Variants in GPR158 observed in about 807,000 individuals in gnomAD.
GPR158 encodes G protein-coupled receptor 158, also known as metabotropic glycine receptor.
A neutral mutation model predicts 78.2 loss-of-function variants in GPR158; 30 were observed. The observed-to-expected ratio is 0.38, with a 90% confidence interval of 0.29 to 0.52. The LOEUF is 0.52. Ranked by LOEUF, GPR158 falls within the 20% of genes least tolerant of loss-of-function variation. The pLI is 0.83. For synonymous variants in GPR158, 581 were observed against 591.1 expected (o/e 0.98, Z 0.25); for missense variants, 1,463 against 1,523.5 (o/e 0.96, Z 0.66).
chr10:25,234,487 C>T (rs752765032), intron 2 of GPR158, among the ~76,000 whole-genome samples: 5 of 152,164 alleles, frequency 3.3e-5, no homozygotes, highest in Non-Finnish European at 7.3e-5. Context: ...GTGAAAACCA[C>T]ACTTTTAGGA....
chr10:25,585,728 C>G (rs1404291808), intron 7 of GPR158, among the ~76,000 whole-genome samples: 1 of 152,176 alleles, frequency 6.6e-6, no homozygotes, highest in African/African-American at 2.4e-5. Flanking sequence ...CCTGTAATCC[C>G]AGCACTTTGG....
At chr10:25,492,149 G>T (rs1835819492) in intron 5 of GPR158, among the ~76,000 whole-genome samples, 1 of 152,068 alleles carries the variant, frequency 6.6e-6, no homozygotes, top group Non-Finnish European at 1.5e-5. Context: ...GCAAGAAGAT[G>T]CCAGATTCTT....
At chr10:25,538,105 A>C (rs778835476) in intron 5 of GPR158, among the ~76,000 whole-genome samples, 15 of 152,178 alleles carry the variant, frequency 9.9e-5, no homozygotes, top group Non-Finnish European at 1.9e-4. Flanking sequence ...AGTACTCAAC[A>C]TTCTGCTCAC....
chr10:25,399,969 A>G (rs1048460024), intron 3 of GPR158, among the ~76,000 whole-genome samples: 10 of 152,200 alleles, frequency 6.6e-5, no homozygotes, highest in Non-Finnish European at 1.2e-4. Flanking sequence ...CATATGAGCT[A>G]ACATGGAAAA....
intron 2 of GPR158, among the ~76,000 whole-genome samples, chr10:25,377,693 A>G: frequency 6.6e-6 from 1 of 152,068 alleles, no homozygotes; most frequent in East Asian, 1.9e-4. Context: ...ATTTATGTTT[A>G]GCATGTATTA....
At chr10:25,223,336 G>C (rs1194329108) in intron 2 of GPR158, among the ~76,000 whole-genome samples, 1 of 152,106 alleles carries the variant, frequency 6.6e-6, no homozygotes, top group Non-Finnish European at 1.5e-5. Flanking sequence ...ACTGGAGTTG[G>C]GAAGAAAGAA....
At chr10:25,438,580 C>T (rs951028741) in intron 4 of GPR158, among the ~76,000 whole-genome samples, 11 of 152,180 alleles carry the variant, frequency 7.2e-5, no homozygotes, top group African/African-American at 2.7e-4. Flanking sequence ...CAGTAATTAG[C>T]ATCTTCAGTT....
At chr10:25,244,200 C>T (rs1853660016) in intron 2 of GPR158, 1 of 152,000 alleles carries the variant, frequency 6.6e-6, no homozygotes, top group Non-Finnish European at 1.5e-5. Flanking sequence ...AGTAAATTAC[C>T]CCACTTTGCT....
chr10:25,207,004 T>C (rs1433340044), intron 1 of GPR158, among the ~76,000 whole-genome samples: 1 of 151,616 alleles, frequency 6.6e-6, no homozygotes. Context: ...ACGGGGGAAA[T>C]GCAAAGAGCC....
intron 2 of GPR158, among the ~76,000 whole-genome samples, chr10:25,264,358 G>T (rs562430709): frequency 3.0e-4 from 46 of 152,322 alleles, no homozygotes; most frequent in Non-Finnish European, 5.1e-4. Context: ...TTTCCAAGCT[G>T]CAGGGATGCT....
chr10:25,457,061 T>C (rs145778068), intron 4 of GPR158, among the ~76,000 whole-genome samples: 9,746 of 151,264 alleles, frequency 0.064, 945 homozygotes, highest in African/African-American at 0.21. Flanking sequence ...CAACCTCAGC[T>C]TCCCGGGTTC....
chr10:25,447,970 C>G (rs553656767), intron 4 of GPR158, among the ~76,000 whole-genome samples: 35 of 152,340 alleles, frequency 2.3e-4, no homozygotes, highest in Non-Finnish European at 4.0e-4. Context: ...CTCTCCACCC[C>G]TAACCAGAGA....
intron 1 of GPR158, among the ~76,000 whole-genome samples, chr10:25,200,869 T>G (rs112587975): frequency 4.1e-3 from 233 of 57,120 alleles, no homozygotes; most frequent in South Asian, 0.012. Context: ...TTTTGTTTTG[T>G]TTTTTTTTTT....
chr10:25,178,619 G>T (rs754135772), intron 1 of GPR158, among the ~76,000 whole-genome samples: 3 of 152,194 alleles, frequency 2.0e-5, no homozygotes, highest in Non-Finnish European at 4.4e-5. Context: ...CTTCAGCCAA[G>T]GCACACAGCC....
At chr10:25,494,246 A>T (rs1336722672) in intron 5 of GPR158, among the ~76,000 whole-genome samples, 1 of 152,186 alleles carries the variant, frequency 6.6e-6, no homozygotes, top group Non-Finnish European at 1.5e-5. Flanking sequence ...ATTGTTTTGG[A>T]TAGCATAAAT....
intron 2 of GPR158, among the ~76,000 whole-genome samples, chr10:25,312,676 G>C (rs74123805): frequency 0.072 from 10,891 of 152,156 alleles, 698 homozygotes; most frequent in African/African-American, 0.16. Context: ...TGCAGAGTAA[G>C]TGCTTTGCGC....
intron 5 of GPR158, among the ~76,000 whole-genome samples, chr10:25,497,648 A>G (rs1183837920): frequency 6.6e-6 from 1 of 152,146 alleles, no homozygotes; most frequent in African/African-American, 2.4e-5. Context: ...TTATCCATTC[A>G]TGAGCTATTA....
chr10:25,526,101 T>C (rs1328432318), intron 5 of GPR158, among the ~76,000 whole-genome samples: 26 of 96,236 alleles, frequency 2.7e-4, no homozygotes, highest in Non-Finnish European at 4.4e-4. Flanking sequence ...TCCAATTTTG[T>C]CTAAAAAAAA....
intron 4 of GPR158, among the ~76,000 whole-genome samples, chr10:25,458,246 A>G (rs1221493219): frequency 3.3e-5 from 5 of 152,178 alleles, no homozygotes; most frequent in Non-Finnish European, 7.3e-5. Context: ...GCAATATGAA[A>G]TTTCTTTTAG....
Sources: gnomAD v4.1 joint callset for allele counts (sites outside exome capture counted in the v4.1 genomes callset) on GRCh38, gnomAD v4.1.1 for gene constraint, MANE v1.5 for transcripts, NCBI Gene and HGNC (gene_info 2026-07-23, HGNC 2026-07-21) for gene names.